Variants in ASIC2 observed in about 807,000 individuals in gnomAD.
The protein encoded by ASIC2 is acid-sensing ion channel 2.
ASIC2 carries 25 observed loss-of-function variants against 57.3 expected under a neutral mutation model. That is an observed-to-expected ratio of 0.44 (90% CI 0.32 to 0.61). The LOEUF (loss-of-function observed/expected upper bound fraction) is 0.61. ASIC2 is among the 20% of genes least tolerant of loss of function. The pLI is 0.06. For missense variants in ASIC2, 641 were observed against 738.1 expected (o/e 0.87, Z 1.52); for synonymous variants, 319 against 307.5 (o/e 1.04, Z -0.39).
At chr17:33,775,763 T>G (rs1387270097) in intron 1 of ASIC2, among the ~76,000 whole-genome samples, 1 of 152,192 alleles carries the variant, frequency 6.6e-6, no homozygotes, top group Non-Finnish European at 1.5e-5. Flanking sequence ...GAGTCTCATG[T>G]AAGCTCAGCT....
intron 1 of ASIC2, among the ~76,000 whole-genome samples, chr17:33,828,705 CATTGATAAAATAT>C (rs1913019037): frequency 6.6e-6 from 1 of 152,176 alleles, no homozygotes; most frequent in South Asian, 2.1e-4. Context: ...TTCGTATATG[CATTGATAAAATAT>C]ATTCTATTTA....
intron 1 of ASIC2, among the ~76,000 whole-genome samples, chr17:34,054,489 A>G (rs1417624163): frequency 1.3e-5 from 2 of 152,128 alleles, no homozygotes; most frequent in Non-Finnish European, 1.5e-5. Flanking sequence ...CTTCCATCAC[A>G]AGGACCAGCT....
intron 1 of ASIC2, among the ~76,000 whole-genome samples, chr17:33,967,641 T>C (rs1409885810): frequency 6.6e-6 from 1 of 152,210 alleles, no homozygotes; most frequent in South Asian, 2.1e-4. Flanking sequence ...GGAGACACCA[T>C]GAAATTCCAT....
intron 3 of ASIC2, among the ~76,000 whole-genome samples, chr17:33,054,672 C>T (rs1320889034): frequency 6.6e-6 from 1 of 152,126 alleles, no homozygotes; most frequent in Admixed American, 6.5e-5. Context: ...CTCGGGCGTT[C>T]CAGCACTTCA....
chr17:33,497,034 G>A (rs1202148099), intron 1 of ASIC2, among the ~76,000 whole-genome samples: 1 of 152,178 alleles, frequency 6.6e-6, no homozygotes, highest in Admixed American at 6.5e-5. Context: ...AGCCCACAGT[G>A]GATGCTCAGT....
chr17:33,432,284 G>A (rs1553493), intron 1 of ASIC2, among the ~76,000 whole-genome samples: 1 of 152,060 alleles, frequency 6.6e-6, no homozygotes, highest in Non-Finnish European at 1.5e-5. Flanking sequence ...GGGAGGCCCA[G>A]GTGGGAGGAT....
intron 3 of ASIC2, among the ~76,000 whole-genome samples, chr17:33,082,173 T>A (rs9902094): frequency 0.23 from 34,793 of 151,946 alleles, 4,399 homozygotes; most frequent in South Asian, 0.38. Context: ...TCTGAGGCTG[T>A]CAAATATAAA....
chr17:33,266,271 C>T (rs1386676544), intron 1 of ASIC2, among the ~76,000 whole-genome samples: 1 of 152,180 alleles, frequency 6.6e-6, no homozygotes, highest in Non-Finnish European at 1.5e-5. Context: ...CCCCAGGGGG[C>T]AGCAACTGCT....
rs1907634335 is a variant in ASIC2, at chr17:33,220,032, T to C, written c.708+71376A>G. Among the ~76,000 whole-genome samples, 3 of 152,190 alleles carry C rather than the reference T, an allele frequency of 2.0e-5. No individual in the cohort carries two copies. In the South Asian group the frequency reaches 6.2e-4, roughly 31 times the overall value. On this transcript the variant is annotated intron_variant, in intron 1 of 9. Coordinates refer to ENST00000225823, the MANE Select transcript of ASIC2 (RefSeq NM_183377.2). Reference sequence around the variant, plus strand: ...AGCAGCATTTAAAAAATTACTGTCATGAAAAAGGAACACCATTTTCTTGAC... The same window carrying C: ...AGCAGCATTTAAAAAATTACTGTCACGAAAAAGGAACACCATTTTCTTGAC...
chr17:33,756,187 C>T (rs958901539), intron 1 of ASIC2, among the ~76,000 whole-genome samples: 17 of 152,248 alleles, frequency 1.1e-4, no homozygotes, highest in African/African-American at 3.9e-4. Flanking sequence ...GGGCACCTGA[C>T]CACAGGTCAT....
intron 1 of ASIC2, among the ~76,000 whole-genome samples, chr17:34,022,192 C>T (rs1323552356): frequency 6.6e-6 from 1 of 152,062 alleles, no homozygotes; most frequent in Non-Finnish European, 1.5e-5. Context: ...TACTAAGACT[C>T]CTCTCTACCT....
At chr17:34,155,616 G>A (rs529224135) in intron 1 of ASIC2, 3 of 243,986 alleles carry the variant, frequency 1.2e-5, no homozygotes, top group East Asian at 1.1e-4. Context: ...ATGCCACCTC[G>A]TCAATGACAA....
At chr17:33,944,691 C>T (rs1057022769) in intron 1 of ASIC2, among the ~76,000 whole-genome samples, 1 of 152,192 alleles carries the variant, frequency 6.6e-6, no homozygotes, top group African/African-American at 2.4e-5. Flanking sequence ...CAGGGTTGCC[C>T]TGCCAGAGAG....
chr17:33,662,735 T>TC (rs1567682672), intron 1 of ASIC2, among the ~76,000 whole-genome samples: 10 of 95,334 alleles, frequency 1.0e-4, no homozygotes, highest in Non-Finnish European at 1.3e-4. Flanking sequence ...CCTCCCTCCC[T>TC]CCTTCCCTCC....
intron 1 of ASIC2, among the ~76,000 whole-genome samples, chr17:33,247,834 C>T (rs1908744836): frequency 1.3e-5 from 2 of 152,178 alleles, no homozygotes; most frequent in African/African-American, 4.8e-5. Flanking sequence ...GTGCCAGGTG[C>T]TGCTTTAGGT....
chr17:34,146,653 G>C (rs1190145049), intron 1 of ASIC2: 2 of 152,184 alleles, frequency 1.3e-5, no homozygotes, highest in Non-Finnish European at 2.9e-5. Context: ...AGGTGGTGGG[G>C]AGGTGAATAA....
chr17:33,695,820 A>G (rs1391962967), intron 1 of ASIC2, among the ~76,000 whole-genome samples: 2 of 152,200 alleles, frequency 1.3e-5, no homozygotes, highest in Non-Finnish European at 2.9e-5. Context: ...AGTTTTTAAT[A>G]TTTTTACTAT....
At chr17:33,731,733 C>T (rs1368099691) in intron 1 of ASIC2, among the ~76,000 whole-genome samples, 1 of 152,220 alleles carries the variant, frequency 6.6e-6, no homozygotes, top group African/African-American at 2.4e-5. Context: ...AGCTTAGGCC[C>T]TTTCCTCTGC....
chr17:34,016,909 T>C (rs1358655701), intron 1 of ASIC2, among the ~76,000 whole-genome samples: 1 of 152,264 alleles, frequency 6.6e-6, no homozygotes, highest in African/African-American at 2.4e-5. Context: ...CTTAACATTT[T>C]AGTTTATCAG....
Sources: gnomAD v4.1 joint callset for allele counts (sites outside exome capture counted in the v4.1 genomes callset) on GRCh38, gnomAD v4.1.1 for gene constraint, MANE v1.5 for transcripts, NCBI Gene and HGNC (gene_info 2026-07-23, HGNC 2026-07-21) for gene names.